The following BCL9L variants were observed in gnomAD, a reference collection of about 807,000 sequenced individuals.
BCL9L encodes BCL9 like.
In BCL9L, 19 loss-of-function variants were observed where a neutral mutation model predicts 99.4. The ratio of observed to expected loss-of-function variants is 0.19; its 90% CI spans 0.13 to 0.28. BCL9L has a LOEUF of 0.28. Among genes scored for constraint, BCL9L ranks in the 10% least tolerant of loss-of-function variants. The probability of loss-of-function intolerance (pLI) is 1.00; values close to 1 mark genes in which losing one functional copy is unlikely to be tolerated. For missense variants in BCL9L, 2,023 were observed against 2,101.6 expected (o/e 0.96, Z 0.73); for synonymous variants, 900 against 854.8 (o/e 1.05, Z -0.92).
chr11:118,920,384 G>A (rs1021034337), intron 1 of BCL9L, among the ~76,000 whole-genome samples: 9 of 152,300 alleles, frequency 5.9e-5, no homozygotes, highest in African/African-American at 1.9e-4. Context: ...TCCCACGATC[G>A]ATCAAGGCTA....
In BCL9L at chr11:118,900,302, A is replaced by G; in HGVS notation, c.3125-104T>C. 1 of 1,299,418 alleles carries G rather than the reference A, an allele frequency of 7.7e-7. No homozygotes were observed. The highest frequency in any genetic ancestry group is 1.5e-5 in the South Asian group (1 of 66,304). 80.5% of individuals were successfully genotyped at this position (1,299,418 alleles called of 1,614,324 possible). On this transcript the variant is annotated intron_variant, in intron 8 of 9. Transcript: ENST00000683865. The surrounding 1 kb of genome is among the most constrained non-coding windows in gnomAD (Gnocchi z 5.3). ...TAGGAAGCGGTCAGTTCCCCAAATCACCTGGTCCTTCAGACACACCCACAG... is the reference window on the plus strand; with the variant it reads ...TAGGAAGCGGTCAGTTCCCCAAATCGCCTGGTCCTTCAGACACACCCACAG...
At position 118,908,534 on chromosome 11, in the gene BCL9L, T is replaced by C. The variant is rs1341162683; in HGVS notation, c.148A>G (p.Thr50Ala). The change falls in exon 4 of 10, where the codon ACA (threonine) becomes GCA (alanine). Residue 50 changes from threonine (T) to alanine (A), a missense_variant. Physicochemically the swap from Thr to Ala is moderately conservative, Grantham distance 58. This residue lies in a region of BCL9L where 1,116 missense variants were observed against 1,194.6 expected (regional missense o/e 0.93). Coordinates refer to ENST00000683865, the MANE Select transcript of BCL9L (RefSeq NM_001378213.1). Reference protein sequence around the residue: ...PENKLTNHGKTGNGGAQSQHQ... With the variant: ...PENKLTNHGKAGNGGAQSQHQ... Reference sequence around the variant, plus strand: ...TGAGATTGGGCCCCGCCATTCCCTGTCTTGCCATGATTGGTCAATTTATTT... The same window carrying C: ...TGAGATTGGGCCCCGCCATTCCCTGCCTTGCCATGATTGGTCAATTTATTT... 1 of 1,614,156 alleles carries C rather than the reference T, an allele frequency of 6.2e-7. No homozygotes were observed. Among genetic ancestry groups the C allele is most frequent in the Admixed American group, 1.7e-5 (1 of 60,024 alleles).
At chr11:118,915,977 C>T (rs991626963) in intron 2 of BCL9L, among the ~76,000 whole-genome samples, 5 of 152,224 alleles carry the variant, frequency 3.3e-5, no homozygotes, top group Admixed American at 2.6e-4. Flanking sequence ...AACCCTCCAG[C>T]CATCTGTTCC....
Position 118,901,922 on chromosome 11 carries a change from C to A in BCL9L, c.1821G>T (p.Gln607His), listed in dbSNP as rs1209654333. The A allele has an allele frequency of 1.2e-6, 2 of 1,613,442 alleles. No individual in the cohort carries two copies. The highest frequency in any genetic ancestry group is 2.7e-5 in the African/African-American group (2 of 74,938). ...CCCCAAACCCAGGTACCCGTTGTAT[C>A]TGGTTGCCTGGGAAACGGGGCCCAG... is the stretch of plus-strand genomic sequence containing the variant. The part of the protein sequence containing the change: ...PFPGPRFPGN[Q>H]IQRVPGFGGM... Residue 607 changes from glutamine (Q) to histidine (H), a missense_variant, in exon 8 of 10, where the codon CAG becomes CAT. This residue lies in a region of BCL9L where 1,116 missense variants were observed against 1,194.6 expected (regional missense o/e 0.93). Coordinates refer to ENST00000683865, the MANE Select transcript of BCL9L (RefSeq NM_001378213.1). The surrounding 1 kb of genome is among the most constrained non-coding windows in gnomAD (Gnocchi z 6.6).
At chr11:118,899,775 A>T (rs1940126134) in intron 9 of BCL9L, 142 bp downstream of exon 9, 1 of 1,259,798 alleles carries the variant, frequency 7.9e-7, no homozygotes, top group African/African-American at 1.5e-5. Context: ...GACTCCAGCG[A>T]GTGGGAACAG....
chr11:118,912,213 G>A (rs1940822531), intron 2 of BCL9L, among the ~76,000 whole-genome samples: 1 of 152,246 alleles, frequency 6.6e-6, no homozygotes, highest in South Asian at 2.1e-4. Context: ...CAAGAGGGCT[G>A]ATCCCAGCCC....
In BCL9L at chr11:118,900,931, T is replaced by A. The variant is rs143261449; in HGVS notation, c.2812A>T (p.Ser938Cys). The A allele has an allele frequency of 7.7e-6, 12 of 1,566,014 alleles. No individual in the cohort carries two copies. The African/African-American group carries it at 1.5e-4, about 19-fold the overall frequency. ...GMGHLKSPTL[S>C]QVHSPLVTSP... ...GTGACCAGGGGTGAGTGCACCTGGC[T>A]AAGGGTGGGCGACTTCAAGTGCCCC... Residue 938 changes from serine to cysteine, a missense_variant, in exon 8 of 10, where the codon AGC (serine) becomes TGC (cysteine). Ser to Cys is a moderately radical substitution (Grantham distance 112). This residue lies in a region of BCL9L where 902 missense variants were observed against 888.2 expected (regional missense o/e 1.02). Coordinates refer to ENST00000683865, the MANE Select transcript of BCL9L (RefSeq NM_001378213.1). This position sits in a 1 kb window ranked among gnomAD's most constrained non-coding sequence, Gnocchi z 5.3.
At position 118,900,885 on chromosome 11, in the gene BCL9L, T is replaced by G. The variant is rs758700660; in HGVS notation, c.2858A>C (p.Lys953Thr). Residue 953 changes from lysine (K) to threonine (T), a missense_variant, in exon 8 of 10, where the codon AAG (lysine) becomes ACG (threonine). Transcript: ENST00000683865. The surrounding 1 kb of genome is among the most constrained non-coding windows in gnomAD (Gnocchi z 5.3). The stretch of plus-strand genomic sequence containing the variant: ...CATCTGTGAGGGAGTCTGGGGTGAC[T>G]TGAGGTTGGCAGAGGGCGAGGTGAC... ...PLVTSPSANLKSPQTPSQMVP... is the reference protein window; with the variant it reads ...PLVTSPSANLTSPQTPSQMVP... 1 of 1,601,960 alleles carries G rather than the reference T, an allele frequency of 6.2e-7. No individual in the cohort carries two copies. The highest frequency in any genetic ancestry group is 1.1e-5 in the South Asian group (1 of 90,044).
At chr11:118,905,190 G>A (rs977844032) in intron 5 of BCL9L, among the ~76,000 whole-genome samples, 2 of 152,072 alleles carry the variant, frequency 1.3e-5, no homozygotes, top group Non-Finnish European at 2.9e-5. Context: ...ACGTTCTATC[G>A]CCCCTCCAGT....
chr11:118,904,677 A>G (rs1414898117), intron 5 of BCL9L, among the ~76,000 whole-genome samples: 1 of 152,194 alleles, frequency 6.6e-6, no homozygotes, highest in East Asian at 1.9e-4. Context: ...GCAGACAGTA[A>G]GTACCAGCAT....
intron 1 of BCL9L, among the ~76,000 whole-genome samples, chr11:118,920,436 C>T (rs566533041): frequency 2.0e-5 from 3 of 152,232 alleles, no homozygotes; most frequent in African/African-American, 7.2e-5. Flanking sequence ...GATTCCAGAC[C>T]CCTCCGTCTT....
In BCL9L at chr11:118,902,827, G is replaced by C; in HGVS notation, c.916C>G (p.Leu306Val). ...AGTPQSQPPP[L>V]PPPPPPAPGS... ...GGGGCCGGGGGTGGCGGCGGCGGCA[G>C]TGGAGGTGGCTGGGACTGCGGGGTG... The change falls in exon 8 of 10, where the codon CTG becomes GTG. Residue 306 changes from leucine to valine, a missense_variant. Coordinates refer to ENST00000683865, the MANE Select transcript of BCL9L (RefSeq NM_001378213.1). The surrounding 1 kb of genome is among the most constrained non-coding windows in gnomAD (Gnocchi z 7.8). 1 of 1,552,062 alleles carries C rather than the reference G, an allele frequency of 6.4e-7. No individual in the cohort carries two copies. Among genetic ancestry groups the C allele is most frequent in the Non-Finnish European group, 8.7e-7 (1 of 1,155,998 alleles).
At chr11:118,920,691 G>A (rs2134443408) in intron 1 of BCL9L, among the ~76,000 whole-genome samples, 1 of 152,288 alleles carries the variant, frequency 6.6e-6, no homozygotes, top group South Asian at 2.1e-4. Context: ...ACAAGAAGAG[G>A]TGGACAGGTG....
intron 5 of BCL9L, among the ~76,000 whole-genome samples, chr11:118,904,760 C>T (rs1940437404): frequency 2.0e-5 from 3 of 152,218 alleles, no homozygotes; most frequent in Admixed American, 1.3e-4. Context: ...TTCCCATGGG[C>T]CCAGTGTCAG....
In BCL9L at chr11:118,899,523, A is replaced by C. The variant is rs1294483626; in HGVS notation, c.3407-15T>G. 6.2e-7 allele frequency: 1 copy of C among 1,605,808 alleles called. No homozygotes were observed. Among genetic ancestry groups the C allele is most frequent in the Non-Finnish European group, 8.5e-7 (1 of 1,177,830 alleles). ...GTTGCTGATCCCTGTAGGGAATAGA[A>C]GACAGGGGGTCAGGCACGGTGTGCC... On this transcript the variant is annotated splice_polypyrimidine_tract_variant and intron_variant, in intron 9 of 9. Coordinates refer to ENST00000683865, the MANE Select transcript of BCL9L (RefSeq NM_001378213.1).
At chr11:118,907,379 A>G in intron 5 of BCL9L, 104 bp downstream of exon 5, 1 of 1,574,244 alleles carries the variant, frequency 6.4e-7, no homozygotes, top group Non-Finnish European at 8.6e-7. Context: ...GGAGAGAAAA[A>G]TCCAGGACTC....
In BCL9L at chr11:118,903,300, C is replaced by A; in HGVS notation, c.685G>T (p.Gly229Trp). 6.4e-7 allele frequency: 1 copy of A among 1,565,450 alleles called. No homozygotes were observed. The highest frequency in any genetic ancestry group is 8.7e-7 in the Non-Finnish European group (1 of 1,154,976). The stretch of plus-strand genomic sequence containing the variant: ...GAGGGAGGCTTTCCGGGGACGCCCC[C>A]GCCCCCGCCCCCGCCCCCAGGGGCA... ...PDAPGGGGGGGGVPGKPPSQF... is the reference protein window; with the variant it reads ...PDAPGGGGGGWGVPGKPPSQF... The change falls in exon 6 of 10, where the codon GGG (glycine) becomes TGG (tryptophan). Residue 229 changes from glycine to tryptophan, a missense_variant. By Grantham distance (184) the Gly-to-Trp change is radical (BLOSUM62 -2). Around this residue, in one of 3 missense-constraint regions of BCL9L, gnomAD observed 1,116 missense variants for 1,194.6 expected, o/e 0.93. Coordinates refer to ENST00000683865, the MANE Select transcript of BCL9L (RefSeq NM_001378213.1). This position sits in a 1 kb window ranked among gnomAD's most constrained non-coding sequence, Gnocchi z 5.6.
chr11:118,897,771 T>C lies in BCL9L; in HGVS notation c.*644A>G. 1 of 453,396 alleles carries C rather than the reference T, an allele frequency of 2.2e-6. No homozygotes were observed. 28.1% of individuals were successfully genotyped at this position (453,396 alleles called of 1,614,324 possible). On this transcript the variant is annotated 3_prime_UTR_variant, in exon 10 of 10. Coordinates refer to ENST00000683865, the MANE Select transcript of BCL9L (RefSeq NM_001378213.1). ...TTTCTTTTATCCTTTTTTTTTTGTG[T>C]GACTTCTATCAAAACACAGAAATAC...
Position 118,899,934 on chromosome 11 carries a change from G to A in BCL9L, c.3389C>T (p.Pro1130Leu), listed in dbSNP as rs200996906. ...CCTCGCACCTGGCCCGGAGCCCTGC[G>A]GTGGTGGTGGGGGGGGCAGCAGGGG... Reference protein sequence around the residue: ...DRPLLPPPPPPQGSGPGISNS... With the variant: ...DRPLLPPPPPLQGSGPGISNS... Residue 1130 changes from proline (P) to leucine (L), a missense_variant, in exon 9 of 10, where the codon CCG (proline) becomes CTG (leucine). Transcript: ENST00000683865. 9.3e-6 allele frequency: 15 copies of A among 1,613,158 alleles called. No homozygotes were observed. Among genetic ancestry groups the A allele is most frequent in the African/African-American group, 6.7e-5 (5 of 75,034 alleles).
Sources: gnomAD v4.1 joint callset for allele counts (sites outside exome capture counted in the v4.1 genomes callset) on GRCh38, gnomAD v4.1.1 for gene constraint, gnomAD v4.1.1 regional missense constraint, Gnocchi (gnomAD v3.1) non-coding constraint, MANE v1.5 for transcripts, NCBI Gene and HGNC (gene_info 2026-07-23, HGNC 2026-07-21) for gene names.